The following EFNA5 variants were observed in gnomAD, a reference collection of about 807,000 sequenced individuals.
EFNA5 encodes the protein ephrin-A5.
Under a neutral mutation model 22.9 loss-of-function variants are expected in EFNA5, and 5 were observed. The observed-to-expected ratio is 0.22, with a 90% CI of 0.11 to 0.46. The LOEUF (loss-of-function observed/expected upper bound fraction) is 0.46. EFNA5 is among the 20% of genes least tolerant of loss of function. EFNA5 has a pLI of 0.99. For synonymous variants in EFNA5, 113 were observed against 112.2 expected, an observed-to-expected ratio of 1.01 and a Z score of -0.04; for missense variants, 237 against 293.3, an observed-to-expected ratio of 0.81 and a Z score of 1.40.
chr5:107,595,825 G>A (rs938368496), intron 1 of EFNA5, among the ~76,000 whole-genome samples: 1 of 151,678 alleles, frequency 6.6e-6, no homozygotes, highest in Admixed American at 6.6e-5. Context: ...TCTAAAATGG[G>A]GATAAAATAC....
At chr5:107,611,170 G>A (rs1253990612) in intron 1 of EFNA5, among the ~76,000 whole-genome samples, 3 of 151,756 alleles carry the variant, frequency 2.0e-5, no homozygotes, top group South Asian at 4.2e-4. Context: ...ACTCCACCAC[G>A]CATATGAAGC....
chr5:107,469,648 GC>G (rs917257246), intron 1 of EFNA5, among the ~76,000 whole-genome samples: 1 of 151,398 alleles, frequency 6.6e-6, no homozygotes. Context: ...AGAAGTTACT[GC>G]CCCCCCTTTA....
At chr5:107,465,224 A>G (rs1235349475) in intron 1 of EFNA5, among the ~76,000 whole-genome samples, 1 of 152,142 alleles carries the variant, frequency 6.6e-6, no homozygotes, top group Non-Finnish European at 1.5e-5. Flanking sequence ...CTTCTTTCCA[A>G]GGCCCTGCGA....
intron 1 of EFNA5, among the ~76,000 whole-genome samples, chr5:107,654,737 C>T (rs561378490): frequency 6.6e-6 from 1 of 152,218 alleles, no homozygotes; most frequent in Non-Finnish European, 1.5e-5. Context: ...ATTGACATAA[C>T]TCAGCCTTTC....
chr5:107,482,862 C>CTA (rs1693070146), intron 1 of EFNA5, among the ~76,000 whole-genome samples: 3 of 76,004 alleles, frequency 3.9e-5, no homozygotes, highest in Admixed American at 2.5e-4. Flanking sequence ...CTCTCTCTCT[C>CTA]TCTCTCTCTA....
At chr5:107,523,324 T>G (rs1324911467) in intron 1 of EFNA5, among the ~76,000 whole-genome samples, 1 of 152,122 alleles carries the variant, frequency 6.6e-6, no homozygotes, top group Non-Finnish European at 1.5e-5. Context: ...TAGTCTCAGA[T>G]ATTCAACTTG....
chr5:107,632,726 A>G (rs1049276536), intron 1 of EFNA5, among the ~76,000 whole-genome samples: 1 of 152,214 alleles, frequency 6.6e-6, no homozygotes, highest in Non-Finnish European at 1.5e-5. Context: ...TAGCAAGCCT[A>G]TAACAGAAAA....
At chr5:107,430,766 C>A (rs1201215916) in intron 1 of EFNA5, among the ~76,000 whole-genome samples, 1 of 117,412 alleles carries the variant, frequency 8.5e-6, no homozygotes, top group South Asian at 2.7e-4. Context: ...ATTATTATTT[C>A]TTTCTTTCTT....
chr5:107,505,855 A>G (rs1345083493), intron 1 of EFNA5, among the ~76,000 whole-genome samples: 1 of 151,340 alleles, frequency 6.6e-6, no homozygotes, highest in Admixed American at 6.6e-5. Context: ...TCTTGGAGAT[A>G]AAAAACAATT....
chr5:107,439,510 C>T (rs191139561), intron 1 of EFNA5, among the ~76,000 whole-genome samples: 122 of 152,082 alleles, frequency 8.0e-4, no homozygotes, highest in Non-Finnish European at 1.4e-3. Context: ...CAATAAAGAA[C>T]AGCTAAGTAA....
intron 1 of EFNA5, among the ~76,000 whole-genome samples, chr5:107,574,941 T>C (rs1034227230): frequency 4.6e-5 from 7 of 152,298 alleles, no homozygotes; most frequent in Middle Eastern, 3.4e-3. Flanking sequence ...CAATTTGATT[T>C]ATGCCCATCA....
intron 1 of EFNA5, among the ~76,000 whole-genome samples, chr5:107,481,758 G>C (rs1009707394): frequency 6.6e-6 from 1 of 151,390 alleles, no homozygotes; most frequent in African/African-American, 2.4e-5. Context: ...GCTGAAGTAG[G>C]AGAATCACTT....
chr5:107,448,855 AAATAAATAAAT>A (rs1749468846), intron 1 of EFNA5, among the ~76,000 whole-genome samples: 1 of 116,814 alleles, frequency 8.6e-6, no homozygotes, highest in African/African-American at 3.9e-5. Flanking sequence ...ATAAATAAAT[AAATAAATAAAT>A]AAATAAAATA....
chr5:107,427,578 A>G lies in EFNA5; in HGVS notation c.126-69T>C, dbSNP rs1580444640. The G allele has an allele frequency of 1.5e-5, 21 of 1,405,860 alleles. No individual in the cohort carries two copies. The East Asian group carries it at 4.8e-4, about 32-fold the overall frequency. 87.1% of individuals were successfully genotyped at this position (1,405,860 alleles called of 1,614,324 possible). A position where few individuals can be genotyped will look rare whatever the true frequency, so the allele number is the denominator to read the frequency against. ...GGCTTTCTGCTTGGAATCAGTGGTT[A>G]AGCCATTCAATAATTTTGGAGCTAA... On this transcript the variant is annotated intron_variant, in intron 1 of 4. Coordinates refer to ENST00000333274, the MANE Select transcript of EFNA5 (RefSeq NM_001962.3).
At chr5:107,384,703 C>A (rs1258946972) in intron 4 of EFNA5, among the ~76,000 whole-genome samples, 1 of 151,712 alleles carries the variant, frequency 6.6e-6, no homozygotes, top group Admixed American at 6.6e-5. Flanking sequence ...CCTCGAACTC[C>A]TGGGCTTAAG....
chr5:107,598,849 T>C (rs1749530482), intron 1 of EFNA5, among the ~76,000 whole-genome samples: 1 of 152,204 alleles, frequency 6.6e-6, no homozygotes, highest in African/African-American at 2.4e-5. Flanking sequence ...AATTCCACAA[T>C]GTTTAACTCT....
chr5:107,535,170 G>T (rs1182977543), intron 1 of EFNA5, among the ~76,000 whole-genome samples: 1 of 152,092 alleles, frequency 6.6e-6, no homozygotes, highest in African/African-American at 2.4e-5. Context: ...CAACAGCGGT[G>T]GGTACCTAGG....
At chr5:107,567,248 C>T (rs1303030474) in intron 1 of EFNA5, among the ~76,000 whole-genome samples, 2 of 152,146 alleles carry the variant, frequency 1.3e-5, no homozygotes, top group Non-Finnish European at 1.5e-5. Context: ...ATTCCACTTC[C>T]TTTCAATAAA....
At chr5:107,467,675 T>C (rs1233879934) in intron 1 of EFNA5, among the ~76,000 whole-genome samples, 1 of 152,184 alleles carries the variant, frequency 6.6e-6, no homozygotes, top group Non-Finnish European at 1.5e-5. Context: ...GCTTTACCTT[T>C]GGGCTTTATT....
Sources: allele counts gnomAD v4.1 joint callset (sites outside exome capture counted in the v4.1 genomes callset), GRCh38; gene constraint gnomAD v4.1.1; transcripts MANE v1.5; gene names NCBI Gene and HGNC (gene_info 2026-07-23, HGNC 2026-07-21).